The following CNST variants were observed in gnomAD, a reference collection of about 807,000 sequenced individuals.
CNST encodes consortin, connexin sorting protein.
A neutral mutation model predicts 72.4 loss-of-function variants in CNST; 39 were observed. The ratio of observed to expected loss-of-function variants is 0.54; its 90% CI spans 0.42 to 0.70. The LOEUF (loss-of-function observed/expected upper bound fraction) is 0.70. Among genes scored for constraint, CNST ranks in the 30% least tolerant of loss-of-function variants. The probability of loss-of-function intolerance (pLI) is 0.00; values close to 1 mark genes in which losing one functional copy is unlikely to be tolerated. For missense variants in CNST, 871 were observed against 868.5 expected, an observed-to-expected ratio of 1.00 and a Z score of -0.04; for synonymous variants, 332 against 320.1, an observed-to-expected ratio of 1.04 and a Z score of -0.40.
chr1:246,596,198 T>C (rs956463625), intron 2 of CNST, among the ~76,000 whole-genome samples: 1 of 152,116 alleles, frequency 6.6e-6, no homozygotes, highest in Non-Finnish European at 1.5e-5. Flanking sequence ...GAGGATTGCT[T>C]GAGCCAAGGA....
intron 3 of CNST, among the ~76,000 whole-genome samples, chr1:246,623,880 C>G (rs1664249024): frequency 7.8e-6 from 1 of 128,698 alleles, no homozygotes; most frequent in Non-Finnish European, 1.6e-5. Flanking sequence ...TAGGCAACAT[C>G]ATGAAACCTT....
At chr1:246,604,421 G>A (rs372516827) in intron 2 of CNST, among the ~76,000 whole-genome samples, 16 of 152,194 alleles carry the variant, frequency 1.1e-4, no homozygotes, top group Non-Finnish European at 2.2e-4. Context: ...TTCTCTGTGC[G>A]TTTGTTTTGA....
intron 2 of CNST, among the ~76,000 whole-genome samples, chr1:246,602,921 C>T (rs1445051670): frequency 2.0e-5 from 3 of 150,050 alleles, no homozygotes; most frequent in Non-Finnish European, 4.4e-5. Flanking sequence ...TGATTTCAGT[C>T]GTGCTGTTAA....
Position 246,598,751 on chromosome 1 carries a change from C to T in CNST, c.379+6810C>T, listed in dbSNP as rs151328087. Among the ~76,000 whole-genome samples, 49 of 152,264 alleles carry T rather than the reference C, an allele frequency of 3.2e-4. 2 individuals carry two copies. Among genetic ancestry groups the T allele is most frequent in the African/African-American group, 1.2e-3 (49 of 41,552 alleles). ...AACAGGAGTCTACATCATGCCCTGC[C>T]TAAGTGCATTCAAATTTTTAAAATG... On this transcript the variant is annotated intron_variant, in intron 2 of 10. Transcript: ENST00000366513.
At chr1:246,616,954 G>A (rs576509663) in intron 2 of CNST, among the ~76,000 whole-genome samples, 2 of 151,780 alleles carry the variant, frequency 1.3e-5, no homozygotes, top group African/African-American at 2.4e-5. Flanking sequence ...TAAAATTTCC[G>A]TGTTACATCA....
intron 2 of CNST, among the ~76,000 whole-genome samples, chr1:246,614,152 A>G (rs897034158): frequency 1.3e-5 from 2 of 151,306 alleles, no homozygotes; most frequent in African/African-American, 4.8e-5. Context: ...GAATATTCGC[A>G]TATATATAGT....
chr1:246,605,927 G>C (rs61852384), intron 2 of CNST: 10 of 151,822 alleles, frequency 6.6e-5, no homozygotes, highest in African/African-American at 2.4e-4. Context: ...TTGCGCCTTG[G>C]GACTGGGTCT....
intron 1 of CNST, among the ~76,000 whole-genome samples, 162 bp from the exon 2 acceptor site, chr1:246,591,350 G>C (rs1326107220): frequency 6.6e-6 from 1 of 152,184 alleles, no homozygotes; most frequent in Non-Finnish European, 1.5e-5. Context: ...AACTAGCTGA[G>C]TTTGGGGTTG....
chr1:246,660,429 G>T, intron 10 of CNST, 95 bp downstream of exon 10: 2 of 1,392,576 alleles, frequency 1.4e-6, no homozygotes, highest in Non-Finnish European at 2.0e-6. Context: ...AACAGGATTT[G>T]TAAAAGACTA....
chr1:246,633,173 G>A (rs1664886168), intron 4 of CNST, among the ~76,000 whole-genome samples: 1 of 152,182 alleles, frequency 6.6e-6, no homozygotes, highest in Admixed American at 6.5e-5. Context: ...TACTAGGCTG[G>A]GCGCAGTGGC....
intron 1 of CNST, among the ~76,000 whole-genome samples, chr1:246,570,217 T>A (rs574444140): frequency 6.6e-6 from 1 of 152,350 alleles, no homozygotes; most frequent in South Asian, 2.1e-4. Context: ...ACTGTCTCCA[T>A]ACGTGCTTCA....
At position 246,668,403 on chromosome 1, in the gene CNST, C is replaced by T. The variant is rs1667468462; in HGVS notation, c.*2498C>T. On this transcript the variant is annotated 3_prime_UTR_variant, in exon 11 of 11. Transcript: ENST00000366513. ...GAGAAAAAACTGCTTTAAAGTGAAA[C>T]TTTGATTTCAGAAGTTGATCTGGCC... 1 of 152,118 alleles carries T rather than the reference C, an allele frequency of 6.6e-6. No individual in the cohort carries two copies. The highest frequency in any genetic ancestry group is 1.5e-5 in the Non-Finnish European group (1 of 68,008). The allele number at this position is 152,118 out of a possible 1,614,324, so 9.4% of individuals were successfully genotyped here.
At chr1:246,658,508 A>AT (rs1231704942) in intron 9 of CNST, among the ~76,000 whole-genome samples, 1 of 152,174 alleles carries the variant, frequency 6.6e-6, no homozygotes, top group Non-Finnish European at 1.5e-5. Context: ...ATAGACCCAC[A>AT]TTCAGGGAAG....
intron 1 of CNST, among the ~76,000 whole-genome samples, chr1:246,590,859 C>CTTT (rs373861233): frequency 3.7e-5 from 5 of 135,782 alleles, no homozygotes; most frequent in African/African-American, 8.3e-5. Context: ...TAACCATGGC[C>CTTT]TTTTTTTTTT....
chr1:246,584,653 G>C (rs562668843), intron 1 of CNST, among the ~76,000 whole-genome samples: 1 of 152,318 alleles, frequency 6.6e-6, no homozygotes, highest in South Asian at 2.1e-4. Context: ...TGGAGACGGA[G>C]TGTGTAGTGG....
intron 4 of CNST, 130 bp downstream of exon 4, chr1:246,632,054 T>C (rs1428992948): frequency 1.6e-6 from 1 of 607,154 alleles, no homozygotes; most frequent in Non-Finnish European, 2.9e-6. Flanking sequence ...TTGACAGTTG[T>C]ATGTACCCGT....
At chr1:246,567,887 T>TA (rs749280237) in intron 1 of CNST, among the ~76,000 whole-genome samples, 3 of 152,200 alleles carry the variant, frequency 2.0e-5, no homozygotes, top group Non-Finnish European at 4.4e-5. Flanking sequence ...GATTCAGAAA[T>TA]ACACTTTTTT....
Position 246,601,257 on chromosome 1 carries a change from A to T in CNST, c.379+9316A>T, listed in dbSNP as rs578137543. On this transcript the variant is annotated intron_variant, in intron 2 of 10. Transcript: ENST00000366513. ...GAGGTCAAGGCTGCAGTGAGCCATG[A>T]TCACGCCACTGCACTCCATCCTGTG... 2.3e-4 allele frequency among the ~76,000 whole-genome samples: 35 copies of T among 152,222 alleles called. No homozygotes were observed. The East Asian group carries it at 3.5e-3, about 15-fold the overall frequency.
At chr1:246,605,882 C>T (rs1014364681) in intron 2 of CNST, 2 of 151,638 alleles carry the variant, frequency 1.3e-5, no homozygotes, top group Non-Finnish European at 2.9e-5. Flanking sequence ...CCTGCTTCTG[C>T]TTCTCGCTGA....
Sources: gnomAD v4.1 joint callset for allele counts (sites outside exome capture counted in the v4.1 genomes callset) on GRCh38, gnomAD v4.1.1 for gene constraint, MANE v1.5 for transcripts, NCBI Gene and HGNC (gene_info 2026-07-23, HGNC 2026-07-21) for gene names.